Variants in IL18R1 observed in about 807,000 individuals in gnomAD.
IL18R1 encodes the protein interleukin 18 receptor 1, also known as interleukin-18 receptor 1.
A neutral mutation model predicts 48.5 loss-of-function variants in IL18R1; 40 were observed. The observed-to-expected ratio is 0.82, with a 90% CI of 0.64 to 1.07. IL18R1 has a LOEUF of 1.07. Ranked by LOEUF, IL18R1 falls within the 50% of genes least tolerant of loss-of-function variation. IL18R1 has a pLI of 0.00. For synonymous variants in IL18R1, 232 were observed against 225.9 expected (o/e 1.03, Z -0.24); for missense variants, 596 against 633.7 (o/e 0.94, Z 0.64).
chr2:102,389,624 C>T (rs920969823), intron 8 of IL18R1, among the ~76,000 whole-genome samples: 1 of 152,124 alleles, frequency 6.6e-6, no homozygotes, highest in Non-Finnish European at 1.5e-5. Flanking sequence ...TCCTACAATA[C>T]AAAATAATTG....
rs1486490928 is a variant in IL18R1, at chr2:102,366,300, T to C, written c.59-1525T>C. On this transcript the variant is annotated intron_variant, in intron 2 of 10. Coordinates refer to ENST00000233957, the MANE Select transcript of IL18R1 (RefSeq NM_003855.5). ...GGACAAGGGCAAAATGCAACTAATC[T>C]CTTTGCTAAACATAACAAGATTCAC... Among the ~76,000 whole-genome samples the C allele has an allele frequency of 3.9e-5, 6 of 152,306 alleles. No individual in the cohort carries two copies. The East Asian group carries it at 9.6e-4, about 24-fold the overall frequency.
rs533575230 is a variant in IL18R1, at chr2:102,380,116, A to G, written c.626-1504A>G. 5.3e-5 allele frequency among the ~76,000 whole-genome samples: 8 copies of G among 152,134 alleles called. No homozygotes were observed. In the South Asian group the frequency reaches 1.2e-3, roughly 24 times the overall value. ...CGGGTGGCGTCTCCTCCTACTGCTG[A>G]CAACCTCTATGCCATTTTGACTCTG... On this transcript the variant is annotated intron_variant, in intron 5 of 10. Transcript: ENST00000233957.
At chr2:102,367,146 A>T (rs552568012) in intron 2 of IL18R1, among the ~76,000 whole-genome samples, 1 of 152,220 alleles carries the variant, frequency 6.6e-6, no homozygotes, top group Admixed American at 6.5e-5. Flanking sequence ...TGATGGTCAG[A>T]TATATTTCCA....
At chr2:102,366,839 C>A (rs1678928917) in intron 2 of IL18R1, among the ~76,000 whole-genome samples, 1 of 152,146 alleles carries the variant, frequency 6.6e-6, no homozygotes, top group African/African-American at 2.4e-5. Flanking sequence ...TGGATGGGGA[C>A]ACAGCCAAAC....
intron 4 of IL18R1, among the ~76,000 whole-genome samples, chr2:102,375,476 C>T (rs1679520732): frequency 6.6e-6 from 1 of 152,144 alleles, no homozygotes; most frequent in Non-Finnish European, 1.5e-5. Flanking sequence ...ATCCCACTAT[C>T]CACCCCTTGG....
chr2:102,376,137 G>A, intron 5 of IL18R1, 74 bp downstream of exon 5: 2 of 1,286,634 alleles, frequency 1.6e-6, no homozygotes, highest in Non-Finnish European at 1.1e-6. Flanking sequence ...CTTCAAAACT[G>A]TGTAGGAATT....
intron 4 of IL18R1, 71 bp downstream of exon 4, chr2:102,372,189 A>G: frequency 7.8e-7 from 1 of 1,281,188 alleles, no homozygotes; most frequent in Admixed American, 2.6e-5. Flanking sequence ...AGGGGCTGAG[A>G]GCTACCATTC....
intron 5 of IL18R1, among the ~76,000 whole-genome samples, chr2:102,380,256 C>T (rs1054283819): frequency 1.3e-5 from 2 of 152,206 alleles, no homozygotes; most frequent in South Asian, 4.1e-4. Flanking sequence ...AAACTCAGGG[C>T]TGATCTGGAT....
intron 7 of IL18R1, 102 bp from the exon 8 acceptor site, chr2:102,386,759 G>T (rs1573223416): frequency 1.7e-6 from 2 of 1,149,440 alleles, no homozygotes; most frequent in Middle Eastern, 2.3e-4. Flanking sequence ...AAGAAATAAT[G>T]CAGGCAACAT....
chr2:102,365,067 A>G (rs962153028), intron 2 of IL18R1, among the ~76,000 whole-genome samples: 6 of 152,036 alleles, frequency 3.9e-5, no homozygotes, highest in Admixed American at 1.3e-4. Flanking sequence ...GCCTCTCCCA[A>G]ATCTCATGCT....
rs1680751878 is a variant in IL18R1, at chr2:102,395,093, G to A, written c.1270+466G>A. On this transcript the variant is annotated intron_variant, in intron 10 of 10. Coordinates refer to ENST00000233957, the MANE Select transcript of IL18R1 (RefSeq NM_003855.5). ...TTTTTATTGTGTTGATATTGGTGAC[G>A]AAATTTAAGTAGAAAATAGGAAAAT... 2.0e-5 allele frequency among the ~76,000 whole-genome samples: 3 copies of A among 152,048 alleles called. No homozygotes were observed. In the South Asian group the frequency reaches 6.2e-4, roughly 32 times the overall value.
chr2:102,358,832 A>T (rs1050689862), intron 1 of IL18R1, among the ~76,000 whole-genome samples: 2 of 152,222 alleles, frequency 1.3e-5, no homozygotes, highest in Non-Finnish European at 2.9e-5. Flanking sequence ...GATTGTGCAG[A>T]TGTGCCAATG....
chr2:102,389,727 T>C (rs1402459789), intron 8 of IL18R1, among the ~76,000 whole-genome samples: 1 of 152,246 alleles, frequency 6.6e-6, no homozygotes, highest in Admixed American at 6.5e-5. Context: ...CTAATATTTC[T>C]GTGAGTCCCT....
intron 9 of IL18R1, among the ~76,000 whole-genome samples, chr2:102,393,532 TAAGCATA>T (rs915956885): frequency 2.0e-5 from 3 of 152,194 alleles, no homozygotes; most frequent in Non-Finnish European, 4.4e-5. Flanking sequence ...GCTGGGCTGT[TAAGCATA>T]AATGATGTGG....
intron 7 of IL18R1, among the ~76,000 whole-genome samples, chr2:102,386,392 G>A (rs1680227165): frequency 2.0e-5 from 3 of 152,240 alleles, no homozygotes; most frequent in African/African-American, 7.2e-5. Context: ...CTTGAGAACA[G>A]TGTTATGTTT....
intron 4 of IL18R1, among the ~76,000 whole-genome samples, chr2:102,373,494 G>C (rs1324251676): frequency 6.6e-6 from 1 of 152,030 alleles, no homozygotes; most frequent in Non-Finnish European, 1.5e-5. Context: ...TATAGCATTA[G>C]GAGAAATACC....
Position 102,390,307 on chromosome 2 carries a change from A to G in IL18R1, c.1111+90A>G, listed in dbSNP as rs1025487494. On this transcript the variant is annotated intron_variant, in intron 9 of 10. Coordinates refer to ENST00000233957, the MANE Select transcript of IL18R1 (RefSeq NM_003855.5). ...TTAATCTTCATCTTATTGTGATGAT[A>G]TTGTAGAATTAATCTGTGGGAGAGG... 4.3e-5 allele frequency: 51 copies of G among 1,189,866 alleles called. No homozygotes were observed. The African/African-American group carries it at 6.0e-4, about 14-fold the overall frequency. The allele number at this position is 1,189,866 out of a possible 1,614,324, so 73.7% of individuals were successfully genotyped here.
At chr2:102,364,623 T>C (rs1046304320) in intron 2 of IL18R1, among the ~76,000 whole-genome samples, 1 of 152,220 alleles carries the variant, frequency 6.6e-6, no homozygotes, top group African/African-American at 2.4e-5. Flanking sequence ...TTGGTGCTCC[T>C]TAACTCTTGT....
chr2:102,384,851 A>G lies in IL18R1; in HGVS notation c.689-27A>G, dbSNP rs150066880. On this transcript the variant is annotated intron_variant, in intron 6 of 10. Transcript: ENST00000233957. Reference sequence around the variant, plus strand: ...TTAAGAAACCTGAGTTTCAAAAATCAGAACTTTAGTTGCCAACTTTTACCA... The same window carrying G: ...TTAAGAAACCTGAGTTTCAAAAATCGGAACTTTAGTTGCCAACTTTTACCA... The G allele has an allele frequency of 1.2e-3, 1,979 of 1,603,924 alleles. 28 individuals carry two copies. The African/African-American group carries it at 0.025, about 20-fold the overall frequency.
Sources: gnomAD v4.1 joint callset for allele counts (sites outside exome capture counted in the v4.1 genomes callset) on GRCh38, gnomAD v4.1.1 for gene constraint, MANE v1.5 for transcripts, NCBI Gene and HGNC (gene_info 2026-07-23, HGNC 2026-07-21) for gene names.